Variants in HYAL4 observed in about 807,000 individuals in gnomAD.
HYAL4 encodes hyaluronidase-4.
Under a neutral mutation model 35.2 loss-of-function variants are expected in HYAL4, and 37 were observed. The ratio of observed to expected loss-of-function variants is 1.05; its 90% CI spans 0.81 to 1.38. The LOEUF is 1.38. Among genes scored for constraint, HYAL4 ranks in the 40% most tolerant of loss-of-function variants. HYAL4 has a pLI of 0.00. For synonymous variants in HYAL4, 198 were observed against 203.2 expected (o/e 0.97, Z 0.22); for missense variants, 572 against 572.4 (o/e 1.00, Z 0.01).
intron 2 of HYAL4, among the ~76,000 whole-genome samples, chr7:123,864,648 G>A (rs1468827103): frequency 1.3e-5 from 2 of 151,894 alleles, no homozygotes; most frequent in Admixed American, 1.3e-4. Context: ...GTGGGGTGAG[G>A]GAAAGAGGTC....
chr7:123,801,247 A>AAACT, the HYAL4 span, among the ~76,000 whole-genome samples: 1 of 152,194 alleles, frequency 6.6e-6, no homozygotes, highest in African/African-American at 2.4e-5. Flanking sequence ...TGAGGCAGTT[A>AAACT]AATAAATCTT....
the HYAL4 span, among the ~76,000 whole-genome samples, chr7:123,778,569 CT>C: frequency 6.6e-6 from 1 of 151,196 alleles, no homozygotes; most frequent in South Asian, 2.1e-4. Flanking sequence ...CGTACGATGT[CT>C]TTTGATGTGA....
upstream of HYAL4, chr7:123,845,164 A>G (rs955832585): frequency 2.7e-5 from 4 of 146,050 alleles, no homozygotes; most frequent in East Asian, 2.0e-4. Context: ...TCCAGTTTCA[A>G]TAGTTCTTTA....
chr7:123,785,108 G>A, the HYAL4 span, among the ~76,000 whole-genome samples: 2 of 152,072 alleles, frequency 1.3e-5, no homozygotes, highest in African/African-American at 2.4e-5. This position sits in a 1 kb window ranked among gnomAD's most constrained non-coding sequence, Gnocchi z 4.5. Context: ...CTCTGTCACC[G>A]GGCTAGAGTG....
At chr7:123,778,340 A>G in the HYAL4 span, among the ~76,000 whole-genome samples, 73 of 152,286 alleles carry the variant, frequency 4.8e-4, no homozygotes, top group African/African-American at 1.6e-3. Flanking sequence ...GACATTTAAC[A>G]CTAATTCAAT....
the HYAL4 span, among the ~76,000 whole-genome samples, chr7:123,804,863 A>G: frequency 5.3e-5 from 8 of 152,248 alleles, no homozygotes; most frequent in Non-Finnish European, 1.2e-4. Context: ...TCTTTATATC[A>G]GTGAATTCTT....
chr7:123,836,781 C>A (rs539304862), intron 1 of HYAL4, among the ~76,000 whole-genome samples: 2 of 152,238 alleles, frequency 1.3e-5, no homozygotes, highest in Admixed American at 1.3e-4. Context: ...GTAATCCCAG[C>A]ACCCTGGGAG....
At chr7:123,770,721 G>A in the HYAL4 span, among the ~76,000 whole-genome samples, 3 of 152,128 alleles carry the variant, frequency 2.0e-5, no homozygotes, top group South Asian at 2.1e-4. Flanking sequence ...ATAGGAAGTA[G>A]TAGAGATTTT....
At position 123,876,907 on chromosome 7, in the gene HYAL4, T is replaced by G. The variant is rs111907036; in HGVS notation, c.1198T>G (p.Leu400Val). The change falls in exon 5 of 5, where the codon TTG becomes GTG. Residue 400 changes from leucine (L) to valine (V), a missense_variant. Physicochemically the swap from Leu to Val is conservative, Grantham distance 32. Transcript: ENST00000223026. ...GTGGAACGCGCCCAGTTACCTTCACTTGAACCCTGCAAGTTACCACATAGA... is the reference window on the plus strand; with the variant it reads ...GTGGAACGCGCCCAGTTACCTTCACGTGAACCCTGCAAGTTACCACATAGA... ...KMWNAPSYLH[L>V]NPASYHIEAS... 5.3e-3 allele frequency: 8,503 copies of G among 1,614,164 alleles called. 28 individuals are homozygous for G. The highest frequency in any genetic ancestry group is 6.5e-3 in the Non-Finnish European group (7,727 of 1,180,026).
At chr7:123,776,441 G>A in the HYAL4 span, among the ~76,000 whole-genome samples, 1 of 152,008 alleles carries the variant, frequency 6.6e-6, no homozygotes, top group East Asian at 1.9e-4. Flanking sequence ...TTTGAGATGG[G>A]GAATCACTCT....
chr7:123,843,617 A>G (rs7777231), upstream of HYAL4, among the ~76,000 whole-genome samples: 137 of 152,024 alleles, frequency 9.0e-4, no homozygotes, highest in African/African-American at 3.0e-3. Context: ...CATTCTCCCC[A>G]TCACTTTCAG....
rs533092742 is a variant in HYAL4 at position 123,874,146 on chromosome 7, T to G, written c.955-615T>G. Reference sequence around the variant, plus strand: ...CTGGTATGTGGGTATGTGCCCCCGATTTATTTCAATTAAATAATTTCTGAT... The same window carrying G: ...CTGGTATGTGGGTATGTGCCCCCGAGTTATTTCAATTAAATAATTTCTGAT... On this transcript the variant is annotated intron_variant, in intron 3 of 4. Transcript: ENST00000223026. Among the ~76,000 whole-genome samples the G allele has an allele frequency of 3.9e-5, 6 of 152,330 alleles. No homozygotes were observed. The East Asian group carries it at 9.6e-4, about 24-fold the overall frequency.
At chr7:123,793,669 T>TC in the HYAL4 span, among the ~76,000 whole-genome samples, 1 of 152,116 alleles carries the variant, frequency 6.6e-6, no homozygotes, top group African/African-American at 2.4e-5. Context: ...TGCTTCCCCT[T>TC]CCCCCATGAT....
the HYAL4 span, among the ~76,000 whole-genome samples, chr7:123,797,878 C>T: frequency 3.9e-5 from 6 of 152,202 alleles, no homozygotes; most frequent in African/African-American, 1.4e-4. Context: ...TTCCCCAGGA[C>T]TCAATTCCAA....
chr7:123,810,043 C>CT, the HYAL4 span, among the ~76,000 whole-genome samples: 1 of 152,158 alleles, frequency 6.6e-6, no homozygotes, highest in Non-Finnish European at 1.5e-5. Flanking sequence ...AAAGTTAACT[C>CT]TTTTTTCGTT....
At chr7:123,864,419 C>T (rs1806642873) in intron 2 of HYAL4, among the ~76,000 whole-genome samples, 1 of 152,148 alleles carries the variant, frequency 6.6e-6, no homozygotes, top group Admixed American at 6.6e-5. Context: ...TCACTTCTAC[C>T]TCCAATATCT....
chr7:123,829,994 A>G (rs1805856033), intron 1 of HYAL4, among the ~76,000 whole-genome samples: 1 of 152,216 alleles, frequency 6.6e-6, no homozygotes, highest in South Asian at 2.1e-4. Context: ...TCTTGAAGGC[A>G]GGAGCAGGTC....
At chr7:123,869,337 A>T (rs1432698400) in intron 3 of HYAL4, 110 bp downstream of exon 3, 3 of 761,234 alleles carry the variant, frequency 3.9e-6, no homozygotes, top group African/African-American at 1.8e-5. Flanking sequence ...GGTTTGTTAT[A>T]TGGGAGCATA....
chr7:123,838,773 T>C (rs560571353), intron 1 of HYAL4, among the ~76,000 whole-genome samples: 11 of 152,256 alleles, frequency 7.2e-5, no homozygotes, highest in African/African-American at 2.6e-4. Flanking sequence ...GGAATACTGA[T>C]TATTTTTAGG....
Sources: gnomAD v4.1 joint callset for allele counts (sites outside exome capture counted in the v4.1 genomes callset) on GRCh38, gnomAD v4.1.1 for gene constraint, Gnocchi (gnomAD v3.1) non-coding constraint, MANE v1.5 for transcripts, NCBI Gene and HGNC (gene_info 2026-07-23, HGNC 2026-07-21) for gene names.